The following FANCD2 variants were observed in gnomAD, a reference collection of about 807,000 sequenced individuals.
FANCD2 encodes Fanconi anemia group D2 protein.
In FANCD2, 131 loss-of-function variants were observed where a neutral mutation model predicts 192.3. The observed-to-expected ratio is 0.68, with a 90% CI of 0.59 to 0.79. The LOEUF (loss-of-function observed/expected upper bound fraction) is 0.79, where lower values mean the gene tolerates loss of function less well. Ranked by LOEUF, FANCD2 falls within the 30% of genes least tolerant of loss-of-function variation. The pLI, the probability that FANCD2 is intolerant of heterozygous loss-of-function variation, is 0.00. For synonymous variants in FANCD2, 524 were observed against 612.5 expected, an observed-to-expected ratio of 0.86 and a Z score of 2.13; for missense variants, 1,508 against 1,701.6, an observed-to-expected ratio of 0.89 and a Z score of 2.00.
chr3:10,043,856 G>C lies in FANCD2; in HGVS notation c.1126G>C (p.Glu376Gln). ...AATTGAAAACACTGCCTCAGTATCTGAACACAAGGTAATGTTCATGTACTA... is the reference window on the plus strand; with the variant it reads ...AATTGAAAACACTGCCTCAGTATCTCAACACAAGGTAATGTTCATGTACTA... ...KAIENTASVSEHKVFDLVMLF... is the reference protein window; with the variant it reads ...KAIENTASVSQHKVFDLVMLF... The change falls in exon 14 of 44, where the codon GAA becomes CAA. Residue 376 changes from glutamate to glutamine, a missense_variant. Physicochemically the swap from Glu to Gln is conservative, Grantham distance 29. Coordinates refer to ENST00000675286, the MANE Select transcript of FANCD2 (RefSeq NM_001018115.3). 1 of 1,612,262 alleles carries C rather than the reference G, an allele frequency of 6.2e-7. No homozygotes were observed. The highest frequency in any genetic ancestry group is 1.7e-4 in the Middle Eastern group (1 of 6,056).
chr3:10,064,643 G>C (rs140601588), intron 22 of FANCD2, 86 bp from the exon 23 acceptor site: 1 of 1,432,388 alleles, frequency 7.0e-7, no homozygotes, highest in Non-Finnish European at 9.8e-7. Flanking sequence ...ATGATGTTGT[G>C]TTTGAAATTG....
chr3:10,065,631 A>G, intron 24 of FANCD2, 137 bp downstream of exon 24: 2 of 748,010 alleles, frequency 2.7e-6, no homozygotes, highest in Non-Finnish European at 2.4e-6. Flanking sequence ...TTGGAATTCC[A>G]AAGACAAAAT....
Position 10,095,131 on chromosome 3 carries a change from CAAGGGTATCTTG to C in FANCD2, c.3964-66_3964-55del, listed in dbSNP as rs370388163. 2.7e-4 allele frequency: 357 copies of C among 1,311,856 alleles called. 1 individual carries two copies. The African/African-American group carries it at 4.6e-3, about 17-fold the overall frequency. 81.3% of individuals were successfully genotyped at this position (1,311,856 alleles called of 1,614,324 possible). ...TTATCCTCTTTGGAGCTTTTGATTG[CAAGGGTATCTTG>C]AATCTAAAATGAAATCAGGACATTT... On this transcript the variant is annotated intron_variant, in intron 40 of 43. Transcript: ENST00000675286.
At chr3:10,088,644 A>G in intron 35 of FANCD2, 102 bp downstream of exon 35, 1 of 1,098,976 alleles carries the variant, frequency 9.1e-7, no homozygotes, top group Non-Finnish European at 1.4e-6. Context: ...TGGGAATTTG[A>G]AAACAATGAA....
chr3:10,052,579 C>A, intron 18 of FANCD2, 82 bp downstream of exon 18: 1 of 927,236 alleles, frequency 1.1e-6, no homozygotes, highest in Non-Finnish European at 1.8e-6. Flanking sequence ...GTGCAGTTGG[C>A]ACGATCTCAG....
At chr3:10,060,736 C>T (rs1413176618) in intron 19 of FANCD2, among the ~76,000 whole-genome samples, 3 of 152,150 alleles carry the variant, frequency 2.0e-5, no homozygotes, top group Admixed American at 6.6e-5. Flanking sequence ...CTAGACAATG[C>T]AGGTGTCTAC....
chr3:10,066,077 C>CACT, intron 25 of FANCD2, 98 bp downstream of exon 25: 1 of 760,726 alleles, frequency 1.3e-6, no homozygotes. Context: ...CTTCACCAAG[C>CACT]ACTAACCCCC....
At chr3:10,092,544 T>A (rs1694702066) in intron 38 of FANCD2, among the ~76,000 whole-genome samples, 1 of 151,874 alleles carries the variant, frequency 6.6e-6, no homozygotes, top group African/African-American at 2.4e-5. Context: ...TCCTCTATGA[T>A]CTGAGCGCAC....
Position 10,047,962 on chromosome 3 carries a change from T to C in FANCD2, c.1324T>C (p.Leu442=), listed in dbSNP as rs1334815990. The C allele has an allele frequency of 6.2e-7, 1 of 1,613,680 alleles. No homozygotes were observed. Among genetic ancestry groups the C allele is most frequent in the Non-Finnish European group, 8.5e-7 (1 of 1,180,060 alleles). Residue 442 remains leucine (L), a synonymous_variant, in exon 16 of 44, where the codon TTG becomes CTG. Transcript: ENST00000675286. ...CSSILSLAQS[L]LHSLDQSIIS... The stretch of plus-strand genomic sequence containing the variant: ...ATCCATTCTGTCGCTGGCTCAGAGT[T>C]TGCTTCACTCTCTAGACCAGAGTAT...
intron 40 of FANCD2, 191 bp from the exon 41 acceptor site, chr3:10,095,009 C>T: frequency 1.6e-6 from 1 of 619,594 alleles, no homozygotes; most frequent in Non-Finnish European, 2.9e-6. Flanking sequence ...ATACAAGGGA[C>T]AGAAATGGGA....
At chr3:10,042,998 C>G (rs560184910) in intron 11 of FANCD2, 52 bp from the exon 12 acceptor site, 1 of 1,454,930 alleles carries the variant, frequency 6.9e-7, no homozygotes, top group Admixed American at 1.7e-5. Context: ...CTGGACTGTG[C>G]CTACCCACTA....
At chr3:10,046,115 G>A (rs1309369599) in intron 14 of FANCD2, among the ~76,000 whole-genome samples, 3 of 146,186 alleles carry the variant, frequency 2.1e-5, no homozygotes, top group Admixed American at 6.8e-5. Context: ...GTGCAGTGGC[G>A]CGATCTCGGC....
chr3:10,088,997 A>T (rs752152872), intron 36 of FANCD2, 47 bp downstream of exon 36: 1 of 1,608,978 alleles, frequency 6.2e-7, no homozygotes, highest in Non-Finnish European at 8.5e-7. Flanking sequence ...TAGAATCATC[A>T]TCAGGCTGGG....
chr3:10,080,925 G>A (rs1236081136), intron 30 of FANCD2, among the ~76,000 whole-genome samples, 175 bp from the exon 31 acceptor site: 1 of 152,166 alleles, frequency 6.6e-6, no homozygotes, highest in Non-Finnish European at 1.5e-5. Flanking sequence ...CTCAGTCATT[G>A]GAAGATGGAG....
chr3:10,041,275 A>G (rs1244357510), intron 9 of FANCD2: 1 of 290,268 alleles, frequency 3.4e-6, no homozygotes, highest in Non-Finnish European at 6.6e-6. Flanking sequence ...AGCACCACCT[A>G]CATGTGTCTC....
rs754335505 is a variant in FANCD2 at position 10,042,552 on chromosome 3, T to A, written c.784-7T>A. The A allele has an allele frequency of 2.5e-6, 4 of 1,611,148 alleles. No individual in the cohort carries two copies. The highest frequency in any genetic ancestry group is 3.4e-6 in the Non-Finnish European group (4 of 1,177,424). On this transcript the variant is annotated splice_region_variant and splice_polypyrimidine_tract_variant and intron_variant, in intron 10 of 43. Coordinates refer to ENST00000675286, the MANE Select transcript of FANCD2 (RefSeq NM_001018115.3). ...ACCTATTAAGTTTCTGTGCTTTTAA[T>A]TTTTAGGTTCGCCAGTTGGTGATGG... is the stretch of plus-strand genomic sequence containing the variant.
chr3:10,028,078 G>A (rs1388932330), intron 1 of FANCD2, among the ~76,000 whole-genome samples: 2 of 149,856 alleles, frequency 1.3e-5, no homozygotes, highest in Non-Finnish European at 3.0e-5. Flanking sequence ...AATTCAAGGA[G>A]ATTGTCCCTA....
chr3:10,061,821 C>T (rs1454878337), intron 19 of FANCD2, among the ~76,000 whole-genome samples: 5 of 152,112 alleles, frequency 3.3e-5, no homozygotes, highest in African/African-American at 7.2e-5. Flanking sequence ...AATTCTTAAA[C>T]TTATTGGCAG....
At chr3:10,100,455 T>G (rs940136100) in intron 43 of FANCD2, among the ~76,000 whole-genome samples, 2 of 152,156 alleles carry the variant, frequency 1.3e-5, no homozygotes, top group African/African-American at 4.8e-5. Flanking sequence ...CTCACTGCAG[T>G]CTGTCTCCCG....
Sources: allele counts gnomAD v4.1 joint callset (sites outside exome capture counted in the v4.1 genomes callset), GRCh38; gene constraint gnomAD v4.1.1; transcripts MANE v1.5; gene names NCBI Gene and HGNC (gene_info 2026-07-23, HGNC 2026-07-21).